The following JAKMIP3 variants were observed in gnomAD, a reference collection of about 807,000 sequenced individuals.
The protein encoded by JAKMIP3 is janus kinase and microtubule-interacting protein 3.
In JAKMIP3, 58 loss-of-function variants were observed where a neutral mutation model predicts 118.5. That is an observed-to-expected ratio of 0.49 (90% CI 0.40 to 0.61). The LOEUF is 0.61. Among genes scored for constraint, JAKMIP3 ranks in the 20% least tolerant of loss-of-function variants. The pLI is 0.00. For synonymous variants in JAKMIP3, 486 were observed against 451.2 expected, an observed-to-expected ratio of 1.08 and a Z score of -0.98; for missense variants, 950 against 1,109.0, an observed-to-expected ratio of 0.86 and a Z score of 2.04.
intron 1 of JAKMIP3, among the ~76,000 whole-genome samples, chr10:132,048,509 TAAAC>T (rs2037997632): frequency 6.6e-6 from 1 of 152,212 alleles, no homozygotes. Flanking sequence ...TTTGTTTTGT[TAAAC>T]AAATCACTCC....
chr10:132,046,869 G>A (rs1339348077), intron 1 of JAKMIP3, among the ~76,000 whole-genome samples: 1 of 152,120 alleles, frequency 6.6e-6, no homozygotes, highest in Admixed American at 6.6e-5. Context: ...AATATACACT[G>A]TGATTAGCAG....
rs775872630 is a variant in JAKMIP3, at chr10:132,154,018, C to T, written c.2220+28C>T. 2.6e-4 allele frequency: 414 copies of T among 1,607,188 alleles called. No individual in the cohort carries two copies. The East Asian group carries it at 7.4e-3, about 29-fold the overall frequency. On this transcript the variant is annotated intron_variant, in intron 19 of 23. Coordinates refer to ENST00000684848, the MANE Select transcript of JAKMIP3 (RefSeq NM_001323087.2). ...GAGAGGCACGAGACTGCTGGAACCC[C>T]GGGGAGGGGCACTGGGCTGAAACGG... is the stretch of plus-strand genomic sequence containing the variant.
intron 16 of JAKMIP3, among the ~76,000 whole-genome samples, chr10:132,151,386 TC>T (rs1343573282): frequency 2.0e-5 from 3 of 152,152 alleles, no homozygotes; most frequent in Non-Finnish European, 4.4e-5. Context: ...GACTCCCTTC[TC>T]CCCTTGCCTG....
intron 9 of JAKMIP3, 36 bp from the exon 10 acceptor site, chr10:132,140,415 C>G: frequency 6.2e-7 from 1 of 1,612,094 alleles, no homozygotes; most frequent in Non-Finnish European, 8.5e-7. Context: ...GTGCCTGGGT[C>G]TGGTTTGAAC....
chr10:132,067,309 C>T (rs1275779104), intron 1 of JAKMIP3, among the ~76,000 whole-genome samples: 2 of 152,222 alleles, frequency 1.3e-5, no homozygotes, highest in Middle Eastern at 3.4e-3. Context: ...CTGCTATTCC[C>T]GAGGTTTCCC....
chr10:132,174,065 G>A, intron 23 of JAKMIP3, among the ~76,000 whole-genome samples: 1 of 151,520 alleles, frequency 6.6e-6, no homozygotes, highest in East Asian at 1.9e-4. Context: ...GGTCTCTGGT[G>A]TGTCTGGTGG....
chr10:132,174,868 GCATCTTTTTGTGTGTTGATTTTC>G (rs1434135828), intron 23 of JAKMIP3, among the ~76,000 whole-genome samples: 4 of 152,128 alleles, frequency 2.6e-5, no homozygotes, highest in African/African-American at 7.2e-5. Context: ...ATGATGTTGA[GCATCTTTTTGTGTGTTGATTTTC>G]CATCCTTATA....
rs9419164 is a variant in JAKMIP3 at position 132,045,172 on chromosome 10, A to C, written c.-138+8434A>C. ...AGCGTTCCAGTTTCCCCACATCCTC[A>C]CAACGCTCCCTTTCCATTCTGTTCC... On this transcript the variant is annotated intron_variant, in intron 1 of 23. Coordinates refer to the JAKMIP3 transcript ENST00000657785. Among the ~76,000 whole-genome samples, 87 of 151,902 alleles carry C rather than the reference A, an allele frequency of 5.7e-4. 3 individuals are homozygous for C. Among genetic ancestry groups the C allele is most frequent in the Admixed American group, 5.0e-3 (77 of 15,270 alleles).
Position 132,163,415 on chromosome 10 carries a change from G to A in JAKMIP3, c.2424+3G>A. On this transcript the variant is annotated splice_donor_region_variant and intron_variant, in intron 20 of 23. Coordinates refer to ENST00000684848, the MANE Select transcript of JAKMIP3 (RefSeq NM_001323087.2). ...AGCTGCTGCAGCTGGCTCAGCAGGTGTGTGGCAGGCGGGGGCAGGGCTGGC... is the reference window on the plus strand; with the variant it reads ...AGCTGCTGCAGCTGGCTCAGCAGGTATGTGGCAGGCGGGGGCAGGGCTGGC... 1 of 1,594,490 alleles carries A rather than the reference G, an allele frequency of 6.3e-7. No homozygotes were observed. Among genetic ancestry groups the A allele is most frequent in the Non-Finnish European group, 8.5e-7 (1 of 1,176,594 alleles).
At chr10:132,109,502 C>T (rs969008133) in intron 2 of JAKMIP3, among the ~76,000 whole-genome samples, 14 of 152,102 alleles carry the variant, frequency 9.2e-5, no homozygotes, top group Admixed American at 7.2e-4. Context: ...AGGTGTGGGT[C>T]CCCCTGCGCC....
upstream of JAKMIP3, among the ~76,000 whole-genome samples, chr10:132,063,635 G>A (rs1362634998): frequency 6.6e-6 from 1 of 152,236 alleles, no homozygotes; most frequent in East Asian, 1.9e-4. Flanking sequence ...GGAAGGGACA[G>A]TGTCTCCCTC....
In JAKMIP3 at chr10:132,182,443, C is replaced by T. The variant is rs1323016247; in HGVS notation, c.*1190C>T. The T allele has an allele frequency of 6.6e-6, 1 of 152,264 alleles. No homozygotes were observed. Among genetic ancestry groups the T allele is most frequent in the Non-Finnish European group, 1.5e-5 (1 of 68,050 alleles). The allele number at this position is 152,264 out of a possible 1,614,324, so 9.4% of individuals were successfully genotyped here. ...CCGGGACGCAGCCCGGGAGCTTCGT[C>T]CAGCCTGTGGATGGAGCCTGACTGG... On this transcript the variant is annotated 3_prime_UTR_variant, in exon 24 of 24. Coordinates refer to ENST00000684848, the MANE Select transcript of JAKMIP3 (RefSeq NM_001323087.2).
At chr10:132,063,615 G>A (rs1335225750), upstream of JAKMIP3, among the ~76,000 whole-genome samples, 1 of 152,236 alleles carries the variant, frequency 6.6e-6, no homozygotes, top group Non-Finnish European at 1.5e-5. Flanking sequence ...CTCAGCCAGC[G>A]TGGGGATTTG....
Position 132,118,792 on chromosome 10 carries a change from A to C in JAKMIP3, c.633+1218A>C, listed in dbSNP as rs555156376. ...CATATCGATGTCACCTTAGCAACCC[A>C]AGGACCCGGCCCAAACCAGCACTCA... On this transcript the variant is annotated intron_variant, in intron 3 of 23. Transcript: ENST00000684848. The surrounding 1 kb of genome is among the most constrained non-coding windows in gnomAD (Gnocchi z 4.8). Among the ~76,000 whole-genome samples the C allele has an allele frequency of 6.6e-6, 1 of 152,236 alleles. No individual in the cohort carries two copies. Among genetic ancestry groups the C allele is most frequent in the South Asian group, 2.1e-4 (1 of 4,810 alleles).
rs1201589153 is a variant in JAKMIP3 at position 132,084,632 on chromosome 10, G to T, written c.-138+18571G>T. Among the ~76,000 whole-genome samples, 3 of 152,138 alleles carry T rather than the reference G, an allele frequency of 2.0e-5. No homozygotes were observed. The South Asian group carries it at 6.2e-4, about 32-fold the overall frequency. ...TATGTTGAAGAGAAGTGGTGACAGT[G>T]GGTATCCTTGTCTTGTTCCAGTTCT... On this transcript the variant is annotated intron_variant, in intron 1 of 23. Coordinates refer to ENST00000684848, the MANE Select transcript of JAKMIP3 (RefSeq NM_001323087.2).
intron 1 of JAKMIP3, among the ~76,000 whole-genome samples, chr10:132,097,182 C>T (rs1259951587): frequency 2.0e-5 from 3 of 152,238 alleles, no homozygotes; most frequent in African/African-American, 7.2e-5. Context: ...GGAGGCAAGG[C>T]CCCTCTGGAG....
chr10:132,140,575 A>AGG lies in JAKMIP3; in HGVS notation c.1470_1471dup (p.Glu491GlyfsTer11). On this transcript the variant is annotated frameshift_variant, in exon 10 of 24. Transcript: ENST00000684848. LOFTEE classifies it high-confidence loss of function. ...CCGTGCACCCCGGACGATGACTTGG[A>AGG]GGAGGTAACGAGGGTCTCCTGCCGG... is the stretch of plus-strand genomic sequence containing the variant. 7.1e-7 allele frequency: 1 copy of AGG among 1,415,138 alleles called. No individual in the cohort carries two copies. Among genetic ancestry groups the AGG allele is most frequent in the Non-Finnish European group, 9.3e-7 (1 of 1,071,038 alleles). 87.7% of individuals were successfully genotyped at this position (1,415,138 alleles called of 1,614,324 possible). A position where few individuals can be genotyped will look rare whatever the true frequency, so the allele number is the denominator to read the frequency against.
At chr10:132,085,039 T>A (rs1277514042) in intron 1 of JAKMIP3, among the ~76,000 whole-genome samples, 2 of 152,220 alleles carry the variant, frequency 1.3e-5, no homozygotes, top group East Asian at 3.8e-4. Flanking sequence ...TTTTCTTTTT[T>A]AGTTATGTCC....
intron 1 of JAKMIP3, among the ~76,000 whole-genome samples, chr10:132,101,786 G>A (rs2044967754): frequency 6.6e-6 from 1 of 152,172 alleles, no homozygotes. Context: ...GTTATTGGAA[G>A]TGGGAAAGAA....
Sources: gnomAD v4.1 joint callset for allele counts (sites outside exome capture counted in the v4.1 genomes callset) on GRCh38, gnomAD v4.1.1 for gene constraint, Gnocchi (gnomAD v3.1) non-coding constraint, MANE v1.5 for transcripts, NCBI Gene and HGNC (gene_info 2026-07-23, HGNC 2026-07-21) for gene names.